Variants in PDK2 observed in about 807,000 individuals in gnomAD.
PDK2 encodes the protein pyruvate dehydrogenase kinase 2, also known as pyruvate dehydrogenase kinase, isozyme 2.
Under a neutral mutation model 50.4 loss-of-function variants are expected in PDK2, and 34 were observed. That is an observed-to-expected ratio of 0.68 (90% CI 0.51 to 0.90). The LOEUF (loss-of-function observed/expected upper bound fraction) is 0.90. Among genes scored for constraint, PDK2 ranks in the 40% least tolerant of loss-of-function variants. The pLI, the probability that PDK2 is intolerant of heterozygous loss-of-function variation, is 0.00. For missense variants in PDK2, 377 were observed against 544.5 expected (o/e 0.69, Z 3.06); for synonymous variants, 232 against 216.0 (o/e 1.07, Z -0.65).
intron 2 of PDK2, among the ~76,000 whole-genome samples, chr17:50,103,643 G>C (rs1910347317): frequency 6.6e-6 from 1 of 152,160 alleles, no homozygotes; most frequent in Admixed American, 6.5e-5. Context: ...TGCTTAAAGA[G>C]CCAGGTCTGG....
rs1778720271 is a variant in PDK2, at chr17:50,109,277, C to T, written c.970-10C>T. 2.5e-6 allele frequency: 4 copies of T among 1,592,950 alleles called. No homozygotes were observed. The highest frequency in any genetic ancestry group is 1.3e-5 in the African/African-American group (1 of 74,576). On this transcript the variant is annotated splice_polypyrimidine_tract_variant and intron_variant, in intron 9 of 10. Transcript: ENST00000503176. This position sits in a 1 kb window ranked among gnomAD's most constrained non-coding sequence, Gnocchi z 5.0. ...CTCCTCATCCTCACTGCCTTCCTGC[C>T]CCGCTGCAGGCTGGCTTTGGTTATG...
In PDK2 at chr17:50,112,082, G is replaced by A. The variant is rs1474320559; in HGVS notation, c.*1985G>A. On this transcript the variant is annotated 3_prime_UTR_variant, in exon 11 of 11. Coordinates refer to ENST00000503176, the MANE Select transcript of PDK2 (RefSeq NM_002611.5). ...TCCTGTTTGCTCAGCTCCCAAAGAGGACTTAGGTGCCCTCTGAGGAAGCAG... is the reference window on the plus strand; with the variant it reads ...TCCTGTTTGCTCAGCTCCCAAAGAGAACTTAGGTGCCCTCTGAGGAAGCAG... The A allele has an allele frequency of 6.6e-6, 1 of 152,312 alleles. No homozygotes were observed. The highest frequency in any genetic ancestry group is 1.5e-5 in the Non-Finnish European group (1 of 68,152). 9.4% of individuals were successfully genotyped at this position (152,312 alleles called of 1,614,324 possible). A position where few individuals can be genotyped will look rare whatever the true frequency, so the allele number is the denominator to read the frequency against.
At chr17:50,096,200 G>T (rs1241112258) in intron 1 of PDK2, 1 of 985,422 alleles carries the variant, frequency 1.0e-6, no homozygotes, top group Non-Finnish European at 1.2e-6. Flanking sequence ...CGGCCTGGCA[G>T]CCTCTCCCCA....
At chr17:50,102,179 G>A (rs1910267258) in intron 2 of PDK2, among the ~76,000 whole-genome samples, 1 of 152,216 alleles carries the variant, frequency 6.6e-6, no homozygotes, top group South Asian at 2.1e-4. Context: ...TTCAGGGCAA[G>A]GCCAGGGACC....
At chr17:50,108,795 C>T in intron 9 of PDK2, 76 bp downstream of exon 9, 1 of 891,800 alleles carries the variant, frequency 1.1e-6, no homozygotes, top group Non-Finnish European at 1.8e-6. Flanking sequence ...TATCTCCCTG[C>T]TCACTCAGCT....
At chr17:50,103,176 G>C (rs1211555495) in intron 2 of PDK2, among the ~76,000 whole-genome samples, 1 of 152,172 alleles carries the variant, frequency 6.6e-6, no homozygotes, top group African/African-American at 2.4e-5. Context: ...TGGTGATGGG[G>C]GCTGAGAGAA....
chr17:50,098,330 A>AG (rs1385525948), intron 2 of PDK2: 5 of 152,174 alleles, frequency 3.3e-5, no homozygotes, highest in African/African-American at 1.2e-4. Context: ...CTGTAGACTG[A>AG]GGAGCACGTG....
At chr17:50,095,608 G>A (rs1598205727) in intron 1 of PDK2, 55 bp downstream of exon 1, 1 of 1,515,532 alleles carries the variant, frequency 6.6e-7, no homozygotes, top group Non-Finnish European at 9.0e-7. Flanking sequence ...CGCTGGGAGG[G>A]GCAGCCGGGG....
At chr17:50,100,047 C>G (rs1019416362) in intron 2 of PDK2, among the ~76,000 whole-genome samples, 4 of 152,174 alleles carry the variant, frequency 2.6e-5, no homozygotes, top group African/African-American at 7.2e-5. Flanking sequence ...TGGGCAGGTT[C>G]TAGGTGCCTG....
intron 2 of PDK2, chr17:50,098,330 A>G (rs986869198): frequency 6.6e-6 from 1 of 152,174 alleles, no homozygotes; most frequent in African/African-American, 2.4e-5. Flanking sequence ...CTGTAGACTG[A>G]GGAGCACGTG....
In PDK2 at chr17:50,101,297, C is replaced by T. The variant is rs1273109284; in HGVS notation, c.260+3733C>T. On this transcript the variant is annotated intron_variant, in intron 2 of 10. Coordinates refer to ENST00000503176, the MANE Select transcript of PDK2 (RefSeq NM_002611.5). This position sits in a 1 kb window ranked among gnomAD's most constrained non-coding sequence, Gnocchi z 4.2. ...CCTTGCATGACCGAGCAGGACCGACCACTTACTGCGCATGTACTCGAGGCA... is the reference window on the plus strand; with the variant it reads ...CCTTGCATGACCGAGCAGGACCGACTACTTACTGCGCATGTACTCGAGGCA... Among the ~76,000 whole-genome samples, 1 of 152,166 alleles carries T rather than the reference C, an allele frequency of 6.6e-6. No individual in the cohort carries two copies. Among genetic ancestry groups the T allele is most frequent in the African/African-American group, 2.4e-5 (1 of 41,414 alleles).
chr17:50,097,373 T>C, intron 1 of PDK2, 50 bp from the exon 2 acceptor site: 1 of 1,600,872 alleles, frequency 6.2e-7, no homozygotes, highest in Non-Finnish European at 8.5e-7. Context: ...AGACATCCTT[T>C]GGCTTTCATA....
At chr17:50,107,613 G>A (rs1447553788) in intron 6 of PDK2, among the ~76,000 whole-genome samples, 1 of 152,190 alleles carries the variant, frequency 6.6e-6, no homozygotes, top group Admixed American at 6.5e-5. Flanking sequence ...ATGAATGAAT[G>A]AAAGAGTAAG....
At chr17:50,096,245 T>C (rs1598206202) in intron 1 of PDK2, 1 of 985,322 alleles carries the variant, frequency 1.0e-6, no homozygotes, top group Non-Finnish European at 1.2e-6. Context: ...TGATGTGGAG[T>C]CAAGCCGCCT....
At chr17:50,095,158 G>A (rs558510864), upstream of PDK2, 1,228 of 383,662 alleles carry the variant, frequency 3.2e-3, 4 homozygotes, top group Non-Finnish European at 4.7e-3. Flanking sequence ...ACTCGGCGCG[G>A]CCTCCCCAAA....
intron 2 of PDK2, among the ~76,000 whole-genome samples, chr17:50,098,055 C>T (rs571705800): frequency 2.6e-5 from 4 of 152,186 alleles, no homozygotes; most frequent in African/African-American, 9.7e-5. Flanking sequence ...ACAGTACCTT[C>T]CCGAAGAGCT....
At chr17:50,102,684 C>T (rs1910299767) in intron 2 of PDK2, among the ~76,000 whole-genome samples, 1 of 152,220 alleles carries the variant, frequency 6.6e-6, no homozygotes, top group Non-Finnish European at 1.5e-5. Flanking sequence ...TTCGGAGCCA[C>T]ATAGGCCTGG....
upstream of PDK2, chr17:50,095,265 G>A (rs1909867881): frequency 1.8e-6 from 1 of 566,892 alleles, no homozygotes; most frequent in Non-Finnish European, 3.1e-6. Context: ...GGAGTTGTTT[G>A]TGAGTGGCCA....
chr17:50,108,831 C>T, intron 9 of PDK2, 112 bp downstream of exon 9: 1 of 695,602 alleles, frequency 1.4e-6, no homozygotes, highest in Non-Finnish European at 2.5e-6. Context: ...GTGACAGTCA[C>T]CTGTCTTGAA....
Sources: allele counts gnomAD v4.1 joint callset (sites outside exome capture counted in the v4.1 genomes callset), GRCh38; gene constraint gnomAD v4.1.1; non-coding constraint Gnocchi (gnomAD v3.1); transcripts MANE v1.5; gene names NCBI Gene and HGNC (gene_info 2026-07-23, HGNC 2026-07-21).